SORBS2: variants seen among roughly 807,000 people sequenced by gnomAD.
SORBS2 encodes sorbin and SH3 domain-containing protein 2.
In SORBS2, 46 loss-of-function variants were observed where a neutral mutation model predicts 97.7. The observed-to-expected ratio is 0.47, with a 90% CI of 0.37 to 0.60. The LOEUF is 0.60. SORBS2 is among the 20% of genes least tolerant of loss of function. SORBS2 has a pLI of 0.00. For synonymous variants in SORBS2, 476 were observed against 473.4 expected (o/e 1.01, Z -0.07); for missense variants, 1,316 against 1,282.3 (o/e 1.03, Z -0.40).
At chr4:185,875,501 A>C (rs2099233041) in intron 1 of SORBS2, among the ~76,000 whole-genome samples, 1 of 152,244 alleles carries the variant, frequency 6.6e-6, no homozygotes, top group Non-Finnish European at 1.5e-5. Context: ...TCTGCATAGG[A>C]AGTATGTTTG....
intron 1 of SORBS2, among the ~76,000 whole-genome samples, chr4:185,856,994 G>T (rs561787215): frequency 6.6e-6 from 1 of 152,112 alleles, no homozygotes; most frequent in Non-Finnish European, 1.5e-5. Context: ...CTCCCACCAA[G>T]TCCCTTCCTC....
At chr4:185,834,042 T>G (rs994766783) in intron 1 of SORBS2, among the ~76,000 whole-genome samples, 1 of 152,202 alleles carries the variant, frequency 6.6e-6, no homozygotes, top group Non-Finnish European at 1.5e-5. Context: ...ATCCAGATGA[T>G]AAAATAATGT....
intron 2 of SORBS2, among the ~76,000 whole-genome samples, chr4:185,679,524 A>G (rs1272253587): frequency 6.6e-6 from 1 of 152,204 alleles, no homozygotes; most frequent in African/African-American, 2.4e-5. Flanking sequence ...TTGAAGTTAT[A>G]TATTCCAAAA....
chr4:185,870,848 G>A (rs931617733), intron 1 of SORBS2, among the ~76,000 whole-genome samples: 2 of 152,130 alleles, frequency 1.3e-5, no homozygotes, highest in African/African-American at 4.8e-5. Context: ...AAGGAAAGAA[G>A]CCACATTCAT....
intron 2 of SORBS2, among the ~76,000 whole-genome samples, chr4:185,746,085 C>T (rs1320087918): frequency 6.6e-6 from 1 of 152,166 alleles, no homozygotes. Context: ...GGCTTTTCAT[C>T]AAGGGGCCTT....
exon 4 of SORBS2, chr4:185,646,722 C>G: frequency 6.2e-7 from 1 of 1,614,002 alleles, no homozygotes; most frequent in Non-Finnish European, 8.5e-7. Context: ...CAAAAATACT[C>G]CTTGGCTCAG....
intron 2 of SORBS2, among the ~76,000 whole-genome samples, chr4:185,703,604 A>G (rs891955909): frequency 8.5e-5 from 13 of 152,206 alleles, no homozygotes; most frequent in Admixed American, 8.5e-4. Flanking sequence ...GGGAAGTACA[A>G]TGACAATTTG....
At chr4:185,886,963 G>A (rs1481039618) in intron 1 of SORBS2, among the ~76,000 whole-genome samples, 1 of 152,220 alleles carries the variant, frequency 6.6e-6, no homozygotes, top group Non-Finnish European at 1.5e-5. Context: ...GGACCTTCCA[G>A]CGGGCAGCGA....
chr4:185,935,135 T>C (rs28665762), intron 1 of SORBS2, among the ~76,000 whole-genome samples: 7,910 of 152,204 alleles, frequency 0.052, 327 homozygotes, highest in African/African-American at 0.11. Context: ...GAAACACAGT[T>C]TGTACCCACA....
At chr4:185,811,151 A>T (rs939950929) in intron 1 of SORBS2, 2 of 152,232 alleles carry the variant, frequency 1.3e-5, no homozygotes, top group East Asian at 3.9e-4. Flanking sequence ...GTCCAGGGTA[A>T]GCAAGTACAA....
At chr4:185,693,067 G>A (rs2098123296) in intron 2 of SORBS2, among the ~76,000 whole-genome samples, 1 of 152,126 alleles carries the variant, frequency 6.6e-6, no homozygotes. Context: ...AGCAGGGCAG[G>A]AGCCATGCTT....
chr4:185,941,204 C>T (rs2099271822), intron 1 of SORBS2, among the ~76,000 whole-genome samples: 1 of 152,190 alleles, frequency 6.6e-6, no homozygotes. Context: ...CTTTAATCCT[C>T]ATGTTCCAAC....
At chr4:185,863,857 G>C (rs976617578) in intron 1 of SORBS2, among the ~76,000 whole-genome samples, 1 of 152,044 alleles carries the variant, frequency 6.6e-6, no homozygotes, top group Non-Finnish European at 1.5e-5. Context: ...CCCCATTTTA[G>C]TGTTGTTTGT....
intron 2 of SORBS2, among the ~76,000 whole-genome samples, chr4:185,699,160 G>A (rs2153529369): frequency 6.6e-6 from 1 of 152,132 alleles, no homozygotes; most frequent in Non-Finnish European, 1.5e-5. Flanking sequence ...ATGCAATGGT[G>A]AAATCCCACT....
In SORBS2 at chr4:185,630,471, A is replaced by T. The variant is rs572370025; in HGVS notation, c.446+78T>A. 5.8e-4 allele frequency: 493 copies of T among 857,366 alleles called. 4 individuals carry two copies. The African/African-American group carries it at 7.5e-3, about 13-fold the overall frequency. The allele number at this position is 857,366 out of a possible 1,614,324, so 53.1% of individuals were successfully genotyped here. On this transcript the variant is annotated intron_variant, in intron 5 of 14. Transcript: ENST00000418609. ...TGAGTGATACATGATACTCATTACT[A>T]CTTCACTGAATAATTTTATTGTTGA...
intron 1 of SORBS2, among the ~76,000 whole-genome samples, chr4:185,806,700 C>T (rs1406501382): frequency 7.2e-5 from 11 of 152,022 alleles, no homozygotes; most frequent in Middle Eastern, 3.4e-3. Flanking sequence ...CCTCGTGATC[C>T]GCCCGCCTCG....
chr4:185,951,698 G>A (rs554693722), intron 1 of SORBS2, among the ~76,000 whole-genome samples: 28 of 152,326 alleles, frequency 1.8e-4, no homozygotes, highest in Non-Finnish European at 3.8e-4. Flanking sequence ...CTGAACAAAG[G>A]TAAATTTTCC....
chr4:185,926,343 C>G (rs2099263684), intron 1 of SORBS2, among the ~76,000 whole-genome samples: 1 of 152,092 alleles, frequency 6.6e-6, no homozygotes, highest in African/African-American at 2.4e-5. Flanking sequence ...TGAGTTTAGG[C>G]TGAGTCCTGG....
exon 7 of SORBS2, chr4:185,624,324 C>A: frequency 6.2e-7 from 1 of 1,614,160 alleles, no homozygotes; most frequent in Non-Finnish European, 8.5e-7. Flanking sequence ...CAGATTTCTG[C>A]GTTTTGCCGG....
Sources: gnomAD v4.1 joint callset for allele counts (sites outside exome capture counted in the v4.1 genomes callset) on GRCh38, gnomAD v4.1.1 for gene constraint, MANE v1.5 for transcripts, NCBI Gene and HGNC (gene_info 2026-07-23, HGNC 2026-07-21) for gene names.